WDR93: variants seen among roughly 807,000 people sequenced by gnomAD.
WDR93 encodes WD repeat domain 93.
WDR93 carries 73 observed loss-of-function variants against 82.9 expected under a neutral mutation model. That is an observed-to-expected ratio of 0.88 (90% confidence interval 0.73 to 1.07). The LOEUF (loss-of-function observed/expected upper bound fraction) is 1.07. WDR93 is among the 50% of genes least tolerant of loss of function. The pLI is 0.00. For synonymous variants in WDR93, 283 were observed against 300.1 expected, an observed-to-expected ratio of 0.94 and a Z score of 0.59; for missense variants, 738 against 826.0, an observed-to-expected ratio of 0.89 and a Z score of 1.31.
rs371416200 is a variant in WDR93 at position 89,738,076 on chromosome 15, G to A, written c.1801G>A (p.Ala601Thr). Reference protein sequence around the residue: ...YSHETASTDDAGIQYSVFYFN... With the variant: ...YSHETASTDDTGIQYSVFYFN... ...ACATGAAACTGCGTCCACCGACGAT[G>A]CTGGAATCCAATATTCTGTTTTCTA... is the stretch of plus-strand genomic sequence containing the variant. Residue 601 changes from alanine to threonine, a missense_variant, in exon 16 of 17, where the codon GCT becomes ACT. Transcript: ENST00000268130. The A allele has an allele frequency of 6.8e-6, 11 of 1,613,624 alleles. No individual in the cohort carries two copies. In the African/African-American group the frequency reaches 1.5e-4, roughly 22 times the overall value.
At chr15:89,700,372 G>A (rs879547727) in intron 1 of WDR93, among the ~76,000 whole-genome samples, 3 of 151,822 alleles carry the variant, frequency 2.0e-5, no homozygotes, top group East Asian at 1.9e-4. Context: ...TACTCCAGCC[G>A]GTAAAAAAAG....
At chr15:89,732,662 G>T (rs1966875981) in intron 12 of WDR93, among the ~76,000 whole-genome samples, 1 of 151,330 alleles carries the variant, frequency 6.6e-6, no homozygotes, top group African/African-American at 2.4e-5. Context: ...TGAAACAGCT[G>T]TGCCTCCCCC....
Position 89,727,030 on chromosome 15 carries a change from C to T in WDR93, c.881-127C>T, listed in dbSNP as rs1049970448. 5 of 1,075,894 alleles carry T rather than the reference C, an allele frequency of 4.6e-6. No individual in the cohort carries two copies. The African/African-American group carries it at 6.4e-5, about 14-fold the overall frequency. 66.6% of individuals were successfully genotyped at this position (1,075,894 alleles called of 1,614,324 possible). ...GAGAAGACTGAATACAGACCAATTG[C>T]AGAGCAAGAATCGATTTCTGAGGCT... On this transcript the variant is annotated intron_variant, in intron 8 of 16. Coordinates refer to ENST00000268130, the MANE Select transcript of WDR93 (RefSeq NM_020212.2).
chr15:89,705,013 C>T (rs371414739), intron 3 of WDR93: 16 of 155,446 alleles, frequency 1.0e-4, no homozygotes, highest in Non-Finnish European at 1.6e-4. Context: ...AAGAATTCAT[C>T]GTGGGTGATG....
At chr15:89,707,183 G>A (rs1965759634) in intron 4 of WDR93, among the ~76,000 whole-genome samples, 1 of 152,166 alleles carries the variant, frequency 6.6e-6, no homozygotes, top group South Asian at 2.1e-4. Flanking sequence ...AAGATCATTA[G>A]TCATTAGGGA....
chr15:89,717,049 T>C (rs796828986), intron 7 of WDR93, 100 bp downstream of exon 7: 151 of 562,628 alleles, frequency 2.7e-4, no homozygotes, highest in East Asian at 1.4e-3. Flanking sequence ...TTCTTTCTTT[T>C]TTTTTTTTTT....
intron 1 of WDR93, among the ~76,000 whole-genome samples, chr15:89,699,234 A>T (rs1716102111): frequency 6.6e-6 from 1 of 152,022 alleles, no homozygotes; most frequent in South Asian, 2.1e-4. Flanking sequence ...CAATTTTTGT[A>T]TGTCTAAAAA....
At chr15:89,719,165 G>A (rs529810899) in intron 7 of WDR93, among the ~76,000 whole-genome samples, 25 of 152,122 alleles carry the variant, frequency 1.6e-4, no homozygotes, top group African/African-American at 5.3e-4. Context: ...ATGGCTCACT[G>A]CAGCCTCAAC....
At chr15:89,727,448 C>CACTGTCCCGGCCCCA in intron 9 of WDR93, 120 bp downstream of exon 9, 1 of 1,157,326 alleles carries the variant, frequency 8.6e-7, no homozygotes, top group Non-Finnish European at 1.2e-6. Flanking sequence ...TTTCTGGGGC[C>CACTGTCCCGGCCCCA]GGGACAGTGG....
At chr15:89,722,850 TAA>T (rs11339600) in intron 8 of WDR93, among the ~76,000 whole-genome samples, 61 of 149,460 alleles carry the variant, frequency 4.1e-4, no homozygotes, top group East Asian at 3.9e-4. Context: ...TAGTTACGAT[TAA>T]AAAAAAAAAC....
At position 89,690,845 on chromosome 15, in the gene WDR93, GC is replaced by G; in HGVS notation, c.-51del. 1.8e-6 allele frequency: 1 copy of G among 550,070 alleles called. No individual in the cohort carries two copies. Among genetic ancestry groups the G allele is most frequent in the South Asian group, 2.2e-5 (1 of 46,496 alleles). The allele number at this position is 550,070 out of a possible 1,614,324, so 34.1% of individuals were successfully genotyped here. ...GTTGTGGTTACCAAGGCGACGCAAC[GC>G]CGCCCGGCCAGGTGAGCAAAACTGA... On this transcript the variant is annotated 5_prime_UTR_variant, in exon 1 of 17. Transcript: ENST00000268130.
At chr15:89,700,562 T>G (rs564312756) in intron 1 of WDR93, among the ~76,000 whole-genome samples, 17 of 17,832 alleles carry the variant, frequency 9.5e-4, no homozygotes, top group South Asian at 4.1e-3. Context: ...ATTGAGGGTT[T>G]TTTTTTTTTT....
chr15:89,695,588 A>G (rs1250393339), intron 1 of WDR93, among the ~76,000 whole-genome samples: 1 of 152,044 alleles, frequency 6.6e-6, no homozygotes, highest in East Asian at 1.9e-4. Context: ...TTTTATTTCA[A>G]TGTTTGGTTT....
Position 89,728,910 on chromosome 15 carries a change from C to T in WDR93, c.1053-113C>T. ...TGATGTGCTTCATGGCCTTCTTACC[C>T]CTGGGAAGGTCCATTCTAACTATCT... On this transcript the variant is annotated intron_variant, in intron 9 of 16. Coordinates refer to ENST00000268130, the MANE Select transcript of WDR93 (RefSeq NM_020212.2). 5 of 908,518 alleles carry T rather than the reference C, an allele frequency of 5.5e-6. No homozygotes were observed. In the South Asian group the frequency reaches 6.8e-5, roughly 12 times the overall value. The allele number at this position is 908,518 out of a possible 1,614,324, so 56.3% of individuals were successfully genotyped here.
intron 3 of WDR93, chr15:89,703,475 C>T: frequency 3.0e-6 from 1 of 335,650 alleles, no homozygotes; most frequent in South Asian, 3.7e-5. Context: ...GCCCTGGAGT[C>T]CACACCCTTC....
chr15:89,703,188 T>C (rs992865971), intron 3 of WDR93, 46 bp downstream of exon 3: 1 of 1,598,282 alleles, frequency 6.3e-7, no homozygotes, highest in Non-Finnish European at 8.6e-7. Context: ...CAGGTACCTG[T>C]AGACTGTTGT....
chr15:89,702,068 A>G lies in WDR93; in HGVS notation c.303+19A>G, dbSNP rs1965497939. Reference sequence around the variant, plus strand: ...AATCCAGGTATGGAGTAAGCAGTTGACCAGGAGCCCCTGTTTCTCAGTTGA... The same window carrying G: ...AATCCAGGTATGGAGTAAGCAGTTGGCCAGGAGCCCCTGTTTCTCAGTTGA... On this transcript the variant is annotated intron_variant, in intron 2 of 16. Transcript: ENST00000268130. The G allele has an allele frequency of 4.4e-6, 7 of 1,581,738 alleles. No individual in the cohort carries two copies. In the East Asian group the frequency reaches 6.8e-5, roughly 15 times the overall value.
chr15:89,729,112 G>C lies in WDR93; in HGVS notation c.1123+19G>C. The C allele has an allele frequency of 6.2e-7, 1 of 1,612,106 alleles. No individual in the cohort carries two copies. The highest frequency in any genetic ancestry group is 8.5e-7 in the Non-Finnish European group (1 of 1,178,252). ...CCCTCAGGTAAATGAACATGAAGTGGGTGGTTGTCCTAGCAAGGAGTCACC... is the reference window on the plus strand; with the variant it reads ...CCCTCAGGTAAATGAACATGAAGTGCGTGGTTGTCCTAGCAAGGAGTCACC... On this transcript the variant is annotated intron_variant, in intron 10 of 16. Coordinates refer to ENST00000268130, the MANE Select transcript of WDR93 (RefSeq NM_020212.2).
chr15:89,728,715 T>G (rs1158719738), intron 9 of WDR93, among the ~76,000 whole-genome samples: 3 of 152,184 alleles, frequency 2.0e-5, no homozygotes, highest in African/African-American at 7.2e-5. Context: ...CACCCGAGTC[T>G]GCTCTTTAAG....
Sources: gnomAD v4.1 joint callset for allele counts (sites outside exome capture counted in the v4.1 genomes callset) on GRCh38, gnomAD v4.1.1 for gene constraint, MANE v1.5 for transcripts, NCBI Gene and HGNC (gene_info 2026-07-23, HGNC 2026-07-21) for gene names.